The following TMTC2 variants were observed in gnomAD, a reference collection of about 807,000 sequenced individuals.
The protein encoded by TMTC2 is protein O-mannosyl-transferase TMTC2.
A neutral mutation model predicts 82.4 loss-of-function variants in TMTC2; 43 were observed. The observed-to-expected ratio is 0.52, with a 90% CI of 0.41 to 0.67. The LOEUF is 0.67. Among genes scored for constraint, TMTC2 ranks in the 30% least tolerant of loss-of-function variants. The pLI, the probability that TMTC2 is intolerant of heterozygous loss-of-function variation, is 0.00. For missense variants in TMTC2, 919 were observed against 1,012.4 expected (o/e 0.91, Z 1.25); for synonymous variants, 408 against 381.9 (o/e 1.07, Z -0.80).
At position 82,965,554 on chromosome 12, in the gene TMTC2, C is replaced by T. The variant is rs374617095; in HGVS notation, c.1685-6C>T. ...TCACACTTTTGTTTCCACTTTTCCCCCTCAGCTGCATATTTAAATACCGGT... is the reference window on the plus strand; with the variant it reads ...TCACACTTTTGTTTCCACTTTTCCCTCTCAGCTGCATATTTAAATACCGGT... On this transcript the variant is annotated splice_polypyrimidine_tract_variant and splice_region_variant and intron_variant, in intron 5 of 11. Transcript: ENST00000321196. The T allele has an allele frequency of 1.2e-6, 2 of 1,613,070 alleles. No individual in the cohort carries two copies. The highest frequency in any genetic ancestry group is 1.7e-6 in the Non-Finnish European group (2 of 1,179,410).
At chr12:83,011,223 C>T (rs114707598) in intron 8 of TMTC2, among the ~76,000 whole-genome samples, 2,473 of 152,278 alleles carry the variant, frequency 0.016, 68 homozygotes, top group African/African-American at 0.057. Context: ...TCCATTAGGA[C>T]TCCATCATTT....
In TMTC2 at chr12:83,103,692, C is replaced by G. The variant is rs532673554; in HGVS notation, c.2332-28518C>G. On this transcript the variant is annotated intron_variant, in intron 11 of 11. Coordinates refer to ENST00000321196, the MANE Select transcript of TMTC2 (RefSeq NM_152588.3). ...ATATCCAAACTGTAGTATTCTGCCT[C>G]TGGGTCCCCCAAATTTCATGTCCTT... 1.4e-3 allele frequency among the ~76,000 whole-genome samples: 217 copies of G among 152,304 alleles called. 1 individual carries two copies. Among genetic ancestry groups the G allele is most frequent in the Admixed American group, 3.5e-3 (53 of 15,304 alleles).
At chr12:82,758,546 G>T (rs1220245165) in intron 1 of TMTC2, 1 of 152,098 alleles carries the variant, frequency 6.6e-6, no homozygotes, top group Admixed American at 6.6e-5. Context: ...CCTAGGCATA[G>T]ATCCTGTATC....
At chr12:83,014,753 A>G (rs1342260443) in intron 8 of TMTC2, among the ~76,000 whole-genome samples, 1 of 152,036 alleles carries the variant, frequency 6.6e-6, no homozygotes, top group Non-Finnish European at 1.5e-5. Flanking sequence ...AGTGTTCACA[A>G]TGTATTATTG....
intron 4 of TMTC2, among the ~76,000 whole-genome samples, chr12:82,934,736 A>G (rs1001184754): frequency 2.0e-5 from 3 of 152,130 alleles, no homozygotes; most frequent in South Asian, 2.1e-4. Context: ...TCCTTTGGGT[A>G]TATACCTAGA....
chr12:83,085,661 A>G (rs1356536270), intron 11 of TMTC2, among the ~76,000 whole-genome samples: 6 of 152,220 alleles, frequency 3.9e-5, no homozygotes, highest in Admixed American at 3.9e-4. Context: ...GCCTTTCCCA[A>G]CATGGTATTC....
At chr12:83,018,070 T>C (rs1285894134) in intron 8 of TMTC2, among the ~76,000 whole-genome samples, 1 of 149,994 alleles carries the variant, frequency 6.7e-6, no homozygotes, top group Non-Finnish European at 1.5e-5. Flanking sequence ...TATATAAAAT[T>C]AGAGAATTAT....
At chr12:82,859,067 ATT>A (rs1224587372) in intron 2 of TMTC2, among the ~76,000 whole-genome samples, 94 of 130,392 alleles carry the variant, frequency 7.2e-4, no homozygotes, top group Admixed American at 8.6e-4. Context: ...AAATATTGTG[ATT>A]TTTTTTTTTT....
chr12:82,829,874 A>G (rs953436843), intron 1 of TMTC2, among the ~76,000 whole-genome samples: 10 of 152,128 alleles, frequency 6.6e-5, no homozygotes, highest in African/African-American at 9.7e-5. Context: ...GGTTTTTACA[A>G]AGGTACAGAG....
chr12:82,765,080 G>T (rs1489776712), intron 1 of TMTC2, among the ~76,000 whole-genome samples: 4 of 152,038 alleles, frequency 2.6e-5, no homozygotes, highest in Non-Finnish European at 5.9e-5. Flanking sequence ...GCATTTCCTT[G>T]TGGGCAAAAT....
At chr12:82,757,140 G>GT in intron 1 of TMTC2, among the ~76,000 whole-genome samples, 1 of 152,262 alleles carries the variant, frequency 6.6e-6, no homozygotes, top group East Asian at 1.9e-4. Flanking sequence ...AGTGGATCCT[G>GT]TTTTTGACTT....
chr12:82,846,935 A>G (rs1364394679), intron 1 of TMTC2, among the ~76,000 whole-genome samples: 2 of 152,132 alleles, frequency 1.3e-5, no homozygotes, highest in Admixed American at 1.3e-4. Flanking sequence ...ACGCTTGTCC[A>G]AAGCGTAGTG....
intron 1 of TMTC2, among the ~76,000 whole-genome samples, chr12:82,843,371 G>A (rs770207678): frequency 6.6e-6 from 1 of 152,118 alleles, no homozygotes; most frequent in Non-Finnish European, 1.5e-5. Context: ...ACAGGCGTGA[G>A]CCACCATGCC....
At chr12:83,098,758 G>A (rs10862582) in intron 11 of TMTC2, among the ~76,000 whole-genome samples, 14 of 151,928 alleles carry the variant, frequency 9.2e-5, no homozygotes, top group African/African-American at 2.7e-4. Context: ...ACATCCTGAC[G>A]TCCCAGCATC....
chr12:82,949,986 T>C (rs992629754), intron 4 of TMTC2, among the ~76,000 whole-genome samples: 8 of 152,166 alleles, frequency 5.3e-5, no homozygotes, highest in Admixed American at 2.0e-4. Context: ...TGTTGGGAAG[T>C]GCATGTATAA....
chr12:82,948,074 A>C (rs183830181), intron 4 of TMTC2, among the ~76,000 whole-genome samples: 2 of 152,224 alleles, frequency 1.3e-5, no homozygotes, highest in Admixed American at 1.3e-4. Flanking sequence ...AACTTTAGAA[A>C]GATTGTTACA....
intron 1 of TMTC2, among the ~76,000 whole-genome samples, chr12:82,741,326 T>G (rs576296782): frequency 5.9e-5 from 9 of 152,328 alleles, no homozygotes; most frequent in African/African-American, 1.7e-4. Flanking sequence ...TTTTAGCTTT[T>G]TTTAGACGGA....
At chr12:82,846,418 A>G (rs1592569999) in intron 1 of TMTC2, among the ~76,000 whole-genome samples, 1 of 152,022 alleles carries the variant, frequency 6.6e-6, no homozygotes, top group African/African-American at 2.4e-5. Context: ...ACTTGAGATG[A>G]GAAGGAGCTT....
chr12:83,017,790 C>T (rs1880738388), intron 8 of TMTC2, among the ~76,000 whole-genome samples: 1 of 146,138 alleles, frequency 6.8e-6, no homozygotes. Flanking sequence ...GTTCAGTTAA[C>T]CCAGATCCTT....
Sources: allele counts gnomAD v4.1 joint callset (sites outside exome capture counted in the v4.1 genomes callset), GRCh38; gene constraint gnomAD v4.1.1; transcripts MANE v1.5; gene names NCBI Gene and HGNC (gene_info 2026-07-23, HGNC 2026-07-21).